Variants in PCDHGA5 observed in about 807,000 individuals in gnomAD.
PCDHGA5 encodes protocadherin gamma subfamily A, 5.
A neutral mutation model predicts 56.7 loss-of-function variants in PCDHGA5; 36 were observed. The observed-to-expected ratio is 0.64, with a 90% CI of 0.49 to 0.84. The LOEUF (loss-of-function observed/expected upper bound fraction) is 0.84, where lower values mean the gene tolerates loss of function less well. PCDHGA5 is among the 40% of genes least tolerant of loss of function. The probability of loss-of-function intolerance (pLI) is 0.00; values close to 1 mark genes in which losing one functional copy is unlikely to be tolerated. For synonymous variants in PCDHGA5, 563 were observed against 520.2 expected, an observed-to-expected ratio of 1.08 and a Z score of -1.12; for missense variants, 1,305 against 1,201.5, an observed-to-expected ratio of 1.09 and a Z score of -1.27.
chr5:141,418,314 C>T, intron 1 of PCDHGA5: 1 of 1,613,988 alleles, frequency 6.2e-7, no homozygotes. Context: ...GGGATGGGAA[C>T]AATTCTTGAG....
At chr5:141,499,451 T>A (rs1378621877) in intron 2 of PCDHGA5, among the ~76,000 whole-genome samples, 3 of 152,130 alleles carry the variant, frequency 2.0e-5, no homozygotes, top group Non-Finnish European at 4.4e-5. Flanking sequence ...AAACCACCCA[T>A]CATTTTACAA....
intron 1 of PCDHGA5, chr5:141,374,067 T>A: frequency 1.3e-6 from 2 of 1,500,346 alleles, no homozygotes; most frequent in Non-Finnish European, 1.8e-6. Context: ...CCCAGAGAAG[T>A]TCCTAATAAG....
chr5:141,468,229 G>A (rs1363462610), intron 1 of PCDHGA5, among the ~76,000 whole-genome samples: 4 of 150,884 alleles, frequency 2.7e-5, no homozygotes, highest in Non-Finnish European at 5.9e-5. Flanking sequence ...GGAGGATGAG[G>A]TAGGAGAATT....
chr5:141,383,971 G>GAA, intron 1 of PCDHGA5: 1 of 1,613,662 alleles, frequency 6.2e-7, no homozygotes, highest in African/African-American at 1.3e-5. Context: ...CTCAATCCCT[G>GAA]AAGACACACC....
intron 1 of PCDHGA5, chr5:141,415,349 A>G (rs921019257): frequency 1.2e-6 from 2 of 1,614,220 alleles, no homozygotes; most frequent in Non-Finnish European, 1.7e-6. Flanking sequence ...CGCTGGCACA[A>G]GTCACGCCTG....
intron 1 of PCDHGA5, chr5:141,388,455 T>C: frequency 6.2e-7 from 1 of 1,613,784 alleles, no homozygotes; most frequent in South Asian, 1.1e-5. Flanking sequence ...TGGCAGTAAA[T>C]ACCCTGAGAT....
Position 141,485,870 on chromosome 5 carries a change from C to T in PCDHGA5, c.2422-8937C>T. The stretch of plus-strand genomic sequence containing the variant: ...CACCGCAGAGCTCCGGGTATCCGTG[C>T]TGGACGTAAACGACAACGCCCCAGC... On this transcript the variant is annotated intron_variant, in intron 1 of 3. Coordinates refer to ENST00000518069, the MANE Select transcript of PCDHGA5 (RefSeq NM_018918.3). This position sits in a 1 kb window ranked among gnomAD's most constrained non-coding sequence, Gnocchi z 5.7. 6.2e-7 allele frequency: 1 copy of T among 1,614,174 alleles called. No homozygotes were observed. The highest frequency in any genetic ancestry group is 8.5e-7 in the Non-Finnish European group (1 of 1,180,032).
At chr5:141,377,431 A>T (rs1773974129) in intron 1 of PCDHGA5, 1 of 152,002 alleles carries the variant, frequency 6.6e-6, no homozygotes, top group East Asian at 1.9e-4. Context: ...CTCTGTCTCT[A>T]CCAAAAAGAA....
At chr5:141,501,691 G>C (rs910322085) in intron 2 of PCDHGA5, among the ~76,000 whole-genome samples, 1 of 152,092 alleles carries the variant, frequency 6.6e-6, no homozygotes, top group Non-Finnish European at 1.5e-5. Context: ...CTTATCTGCA[G>C]GGTGATTCCG....
intron 1 of PCDHGA5, chr5:141,403,929 G>T: frequency 6.2e-7 from 1 of 1,613,854 alleles, no homozygotes; most frequent in Non-Finnish European, 8.5e-7. Flanking sequence ...GATGGTGGGG[G>T]ATTGAAAGGG....
chr5:141,374,491 A>G (rs749520440), intron 1 of PCDHGA5: 1 of 1,611,464 alleles, frequency 6.2e-7, no homozygotes, highest in Non-Finnish European at 8.5e-7. Context: ...TCTTAAAGGA[A>G]GAATTGGAAG....
rs960870975 is a variant in PCDHGA5 at position 141,417,761 on chromosome 5, C to T, written c.2421+51010C>T. On this transcript the variant is annotated intron_variant, in intron 1 of 3. Coordinates refer to ENST00000518069, the MANE Select transcript of PCDHGA5 (RefSeq NM_018918.3). ...ACACCAGATTGCCAGCTCCGAGACC[C>T]GGGACTCCTCCTGTCCTGGGCCGAA... is the stretch of plus-strand genomic sequence containing the variant. 1.8e-5 allele frequency: 26 copies of T among 1,438,736 alleles called. No homozygotes were observed. The East Asian group carries it at 5.0e-4, about 28-fold the overall frequency. The allele number at this position is 1,438,736 out of a possible 1,614,324, so 89.1% of individuals were successfully genotyped here.
intron 1 of PCDHGA5, among the ~76,000 whole-genome samples, chr5:141,472,863 G>A (rs2099301197): frequency 6.7e-6 from 1 of 149,994 alleles, no homozygotes. Context: ...GCACATGCCT[G>A]TATTCCCAGC....
At chr5:141,447,182 C>G (rs1205769161) in intron 1 of PCDHGA5, among the ~76,000 whole-genome samples, 1 of 152,126 alleles carries the variant, frequency 6.6e-6, no homozygotes, top group Non-Finnish European at 1.5e-5. Flanking sequence ...TCTTGTCGCG[C>G]AGGCTGGAGT....
In PCDHGA5 at chr5:141,485,441, A is replaced by G. The variant is rs1562105312; in HGVS notation, c.2422-9366A>G. ...CGGAGCCCTGCTCATCAAGAACCCA[A>G]TCGACCGAGAGGCACTGTGTGGGCT... On this transcript the variant is annotated intron_variant, in intron 1 of 3. Transcript: ENST00000518069. The surrounding 1 kb of genome is among the most constrained non-coding windows in gnomAD (Gnocchi z 5.7). 3 of 1,613,910 alleles carry G rather than the reference A, an allele frequency of 1.9e-6. No homozygotes were observed. Among genetic ancestry groups the G allele is most frequent in the South Asian group, 1.1e-5 (1 of 91,062 alleles).
intron 1 of PCDHGA5, chr5:141,398,931 C>G (rs1442157400): frequency 6.2e-7 from 1 of 1,613,956 alleles, no homozygotes; most frequent in Admixed American, 1.7e-5. Flanking sequence ...CAGCCACTGA[C>G]CAAGACGAGG....
At chr5:141,437,654 A>C (rs185455660) in intron 1 of PCDHGA5, among the ~76,000 whole-genome samples, 1 of 152,256 alleles carries the variant, frequency 6.6e-6, no homozygotes, top group African/African-American at 2.4e-5. Context: ...GCAAACACAT[A>C]GTTTCGAAGA....
At chr5:141,443,683 A>C (rs1358937790) in intron 1 of PCDHGA5, among the ~76,000 whole-genome samples, 1 of 152,248 alleles carries the variant, frequency 6.6e-6, no homozygotes, top group Admixed American at 6.5e-5. Flanking sequence ...GTTTACAAAC[A>C]CTTCAAAAAT....
intron 1 of PCDHGA5, among the ~76,000 whole-genome samples, chr5:141,456,059 G>A (rs1200043527): frequency 1.3e-5 from 2 of 151,662 alleles, no homozygotes; most frequent in Non-Finnish European, 1.5e-5. Flanking sequence ...CACCACGTCC[G>A]GCTAATTTTT....
Sources: gnomAD v4.1 joint callset for allele counts (sites outside exome capture counted in the v4.1 genomes callset) on GRCh38, gnomAD v4.1.1 for gene constraint, Gnocchi (gnomAD v3.1) non-coding constraint, MANE v1.5 for transcripts, NCBI Gene and HGNC (gene_info 2026-07-23, HGNC 2026-07-21) for gene names.